The following ADCY2 variants were observed in gnomAD, a reference collection of about 807,000 sequenced individuals.
ADCY2 encodes adenylate cyclase 2.
In ADCY2, 31 loss-of-function variants were observed where a neutral mutation model predicts 125.2. That is an observed-to-expected ratio of 0.25 (90% CI 0.19 to 0.33). The LOEUF (loss-of-function observed/expected upper bound fraction) is 0.33, where lower values mean the gene tolerates loss of function less well. Among genes scored for constraint, ADCY2 ranks in the 10% least tolerant of loss-of-function variants. The pLI is 1.00. For missense variants in ADCY2, 904 were observed against 1,418.2 expected (o/e 0.64, Z 5.82); for synonymous variants, 512 against 548.4 (o/e 0.93, Z 0.93).
At chr5:7,669,587 T>C (rs1237549863) in intron 4 of ADCY2, among the ~76,000 whole-genome samples, 1 of 152,234 alleles carries the variant, frequency 6.6e-6, no homozygotes, top group Non-Finnish European at 1.5e-5. Context: ...GGTTGCAATT[T>C]GCATTTTTAC....
chr5:7,422,379 C>G (rs1013360832), intron 2 of ADCY2, among the ~76,000 whole-genome samples: 2 of 151,990 alleles, frequency 1.3e-5, no homozygotes, highest in Non-Finnish European at 2.9e-5. Context: ...TCCACTTCAT[C>G]TCAGCTGATA....
intron 12 of ADCY2, among the ~76,000 whole-genome samples, chr5:7,722,960 C>CAAAAAAAAAAAAAAAAAAAAAAAAAAA (rs60426818): frequency 9.7e-5 from 5 of 51,634 alleles, no homozygotes; most frequent in African/African-American, 2.3e-4. Context: ...AACTCCATCT[C>CAAAAAAAAAAAAAAAAAAAAAAAAAAA]AAAAAAAAAA....
At chr5:7,568,912 G>A (rs1013258294) in intron 3 of ADCY2, among the ~76,000 whole-genome samples, 5 of 152,142 alleles carry the variant, frequency 3.3e-5, no homozygotes, top group African/African-American at 1.2e-4. Flanking sequence ...AACATCTGTA[G>A]ACTTCCCATC....
In ADCY2 at chr5:7,602,578, C is replaced by A. The variant is rs1737252793; in HGVS notation, c.571-23589C>A. ...CTCCATTCACCCTTAAATTCTCTTGCCAAGAGAAATTCCCTCTTAAATTTC... is the reference window on the plus strand; with the variant it reads ...CTCCATTCACCCTTAAATTCTCTTGACAAGAGAAATTCCCTCTTAAATTTC... On this transcript the variant is annotated intron_variant, in intron 3 of 24. Transcript: ENST00000338316. 6.6e-5 allele frequency among the ~76,000 whole-genome samples: 10 copies of A among 152,276 alleles called. 1 individual carries two copies. The South Asian group carries it at 2.1e-3, about 32-fold the overall frequency.
At chr5:7,825,967 C>T (rs527837961) in intron 24 of ADCY2, among the ~76,000 whole-genome samples, 24 of 152,328 alleles carry the variant, frequency 1.6e-4, no homozygotes, top group Non-Finnish European at 3.4e-4. Context: ...CCTCGCCTGT[C>T]GGTGCAATGG....
At position 7,627,915 on chromosome 5, in the gene ADCY2, C is replaced by A. The variant is rs187606309; in HGVS notation, c.720+1599C>A. ...AAATATGGTTTGTTTTTAAAAAATA[C>A]ATTTTGTCTTACCACCTATATAGCA... On this transcript the variant is annotated intron_variant, in intron 4 of 24. Transcript: ENST00000338316. Among the ~76,000 whole-genome samples, 231 of 152,270 alleles carry A rather than the reference C, an allele frequency of 1.5e-3. 1 individual carries two copies. Among genetic ancestry groups the A allele is most frequent in the African/African-American group, 5.2e-3 (215 of 41,550 alleles).
intron 1 of ADCY2, among the ~76,000 whole-genome samples, chr5:7,413,854 TA>T (rs917562505): frequency 6.6e-6 from 1 of 151,402 alleles, no homozygotes; most frequent in Non-Finnish European, 1.5e-5. Flanking sequence ...AAGAGATAAA[TA>T]AAAAAAAATT....
At position 7,756,958 on chromosome 5, in the gene ADCY2, G is replaced by A. The variant is rs547991235; in HGVS notation, c.1957-491G>A. 9.8e-5 allele frequency among the ~76,000 whole-genome samples: 15 copies of A among 152,310 alleles called. No individual in the cohort carries two copies. In the East Asian group the frequency reaches 1.3e-3, roughly 14 times the overall value. ...CTCGTGCCTGAGATTTTCAGACACC[G>A]TATTTGTAAGTTCAGGCGCCAAACT... On this transcript the variant is annotated intron_variant, in intron 15 of 24. Coordinates refer to ENST00000338316, the MANE Select transcript of ADCY2 (RefSeq NM_020546.3).
rs1031397979 is a variant in ADCY2 at position 7,829,208 on chromosome 5, C to T, written c.*2337C>T. The T allele has an allele frequency of 2.6e-5, 4 of 152,588 alleles. No homozygotes were observed. Among genetic ancestry groups the T allele is most frequent in the African/African-American group, 7.2e-5 (3 of 41,446 alleles). The allele number at this position is 152,588 out of a possible 1,614,324, so 9.5% of individuals were successfully genotyped here. ...AGGAGGACCCTGAATTTGAGATCCC[C>T]GGGGCTGGGGCCCAGCACAACTGCT... On this transcript the variant is annotated 3_prime_UTR_variant, in exon 25 of 25. Transcript: ENST00000338316.
intron 2 of ADCY2, among the ~76,000 whole-genome samples, chr5:7,502,971 C>G (rs1743650026): frequency 6.6e-6 from 1 of 152,154 alleles, no homozygotes; most frequent in African/African-American, 2.4e-5. Context: ...GTTCCTGTGG[C>G]ACTCCCTGCG....
At chr5:7,746,419 A>G (rs1413788406) in intron 15 of ADCY2, 1 of 152,184 alleles carries the variant, frequency 6.6e-6, no homozygotes, top group Non-Finnish European at 1.5e-5. Flanking sequence ...TGTTTAAATC[A>G]TTCTTTAAGG....
chr5:7,402,448 G>T (rs10512920), intron 1 of ADCY2, among the ~76,000 whole-genome samples: 46,449 of 152,020 alleles, frequency 0.31, 7,735 homozygotes, highest in African/African-American at 0.41. Context: ...TTTGGTTCCC[G>T]CTTTTTGCTT....
Position 7,755,575 on chromosome 5 carries a change from C to T in ADCY2, c.1957-1874C>T, listed in dbSNP as rs577768809. 3.5e-4 allele frequency among the ~76,000 whole-genome samples: 54 copies of T among 152,256 alleles called. No homozygotes were observed. The South Asian group carries it at 3.7e-3, about 11-fold the overall frequency. ...CACTTGTAAGTCCTGTTGCACGCAC[C>T]TTCTCTAACTCGTTTAAACCTCTGC... is the stretch of plus-strand genomic sequence containing the variant. On this transcript the variant is annotated intron_variant, in intron 15 of 24. Coordinates refer to ENST00000338316, the MANE Select transcript of ADCY2 (RefSeq NM_020546.3).
intron 2 of ADCY2, among the ~76,000 whole-genome samples, chr5:7,480,847 A>C (rs188818714): frequency 6.6e-6 from 1 of 152,206 alleles, no homozygotes; most frequent in Non-Finnish European, 1.5e-5. Context: ...GTACTCCATT[A>C]TGTATATGTA....
chr5:7,820,251 G>A (rs531080676), intron 23 of ADCY2, among the ~76,000 whole-genome samples: 9 of 152,114 alleles, frequency 5.9e-5, no homozygotes, highest in Non-Finnish European at 1.2e-4. Context: ...CCAGCACTTT[G>A]GGAGGCCAAG....
intron 12 of ADCY2, among the ~76,000 whole-genome samples, chr5:7,719,070 CT>C (rs1182649977): frequency 3.3e-5 from 5 of 152,314 alleles, no homozygotes; most frequent in Middle Eastern, 3.4e-3. Flanking sequence ...GGACACCTAT[CT>C]TTTTAAATTA....
chr5:7,637,509 A>G (rs1738554041), intron 4 of ADCY2, among the ~76,000 whole-genome samples: 1 of 152,050 alleles, frequency 6.6e-6, no homozygotes. Context: ...CATTACAGTT[A>G]CTAAATAATC....
intron 4 of ADCY2, among the ~76,000 whole-genome samples, chr5:7,677,042 C>T (rs1402066105): frequency 2.0e-5 from 3 of 151,990 alleles, no homozygotes; most frequent in Non-Finnish European, 4.4e-5. Flanking sequence ...TTTGGGAGGC[C>T]GAGGCAGGCG....
rs186675059 is a variant in ADCY2, at chr5:7,634,096, G to T, written c.720+7780G>T. 3.0e-3 allele frequency among the ~76,000 whole-genome samples: 460 copies of T among 152,296 alleles called. 1 individual carries two copies. Among genetic ancestry groups the T allele is most frequent in the Admixed American group, 5.7e-3 (87 of 15,298 alleles). ...TTTTCTTCCTGCAAATGTAATCACA[G>T]ATAGGCCACTATGCCTTTTAATGGG... On this transcript the variant is annotated intron_variant, in intron 4 of 24. Coordinates refer to ENST00000338316, the MANE Select transcript of ADCY2 (RefSeq NM_020546.3).
Sources: allele counts gnomAD v4.1 joint callset (sites outside exome capture counted in the v4.1 genomes callset), GRCh38; gene constraint gnomAD v4.1.1; transcripts MANE v1.5; gene names NCBI Gene and HGNC (gene_info 2026-07-23, HGNC 2026-07-21).